Variants in ANKRD12 observed in about 807,000 individuals in gnomAD.
ANKRD12 encodes ankyrin repeat domain-containing protein 12.
ANKRD12 carries 85 observed loss-of-function variants against 183.4 expected under a neutral mutation model. The observed-to-expected ratio is 0.46, with a 90% confidence interval of 0.39 to 0.56. ANKRD12 has a LOEUF of 0.56. Ranked by LOEUF, ANKRD12 falls within the 20% of genes least tolerant of loss-of-function variation. The pLI, the probability that ANKRD12 is intolerant of heterozygous loss-of-function variation, is 0.00. For missense variants in ANKRD12, 2,405 were observed against 2,357.1 expected, an observed-to-expected ratio of 1.02 and a Z score of -0.42; for synonymous variants, 914 against 800.2, an observed-to-expected ratio of 1.14 and a Z score of -2.40.
At chr18:9,195,182 G>A (rs572484691) in intron 2 of ANKRD12, among the ~76,000 whole-genome samples, 8 of 152,254 alleles carry the variant, frequency 5.3e-5, no homozygotes, top group Admixed American at 6.5e-5. Flanking sequence ...GCTTACTTGA[G>A]GGTGGAGGGT....
chr18:9,213,647 G>C (rs1023046045), intron 6 of ANKRD12, among the ~76,000 whole-genome samples: 3 of 151,782 alleles, frequency 2.0e-5, no homozygotes, highest in African/African-American at 7.2e-5. Context: ...ATGTGGGAGA[G>C]CTAGTAGATA....
chr18:9,259,007 T>G, intron 9 of ANKRD12, 76 bp downstream of exon 9: 1 of 1,449,414 alleles, frequency 6.9e-7, no homozygotes. Flanking sequence ...ATACGTAATT[T>G]GAAGTTTTCT....
Position 9,285,681 on chromosome 18 carries a change from G to A in ANKRD12, c.*4555G>A, listed in dbSNP as rs1379638094. ...TAAAACATTTTCATTACTCTAGAAA[G>A]TTCACTCATGCCTCTCTCCAGTCAC... On this transcript the variant is annotated 3_prime_UTR_variant, in exon 13 of 13. Transcript: ENST00000262126. 1 of 152,074 alleles carries A rather than the reference G, an allele frequency of 6.6e-6. No homozygotes were observed. 9.4% of individuals were successfully genotyped at this position (152,074 alleles called of 1,614,324 possible). A position where few individuals can be genotyped will look rare whatever the true frequency, so the allele number is the denominator to read the frequency against.
At chr18:9,160,662 C>CTTTTTTAAAAAAAAATACT (rs1217466692) in intron 1 of ANKRD12, among the ~76,000 whole-genome samples, 5 of 152,158 alleles carry the variant, frequency 3.3e-5, no homozygotes, top group African/African-American at 1.2e-4. Flanking sequence ...GGATCTGTAT[C>CTTTTTTAAAAAAAAATACT]TTTTTTAAAA....
chr18:9,181,147 T>C (rs1181038619), intron 1 of ANKRD12, among the ~76,000 whole-genome samples: 3 of 152,218 alleles, frequency 2.0e-5, no homozygotes, highest in Non-Finnish European at 4.4e-5. Context: ...CAAATTTGTT[T>C]CCTCCTCTAT....
chr18:9,257,881 TAATG>T lies in ANKRD12; in HGVS notation c.4618_4621del (p.Glu1540LeufsTer11). ...TTATTAGTTCTGCTTTAGATACTGA[TAATG>T]AATCTACAAAAGATACAGAAAATAC... is the stretch of plus-strand genomic sequence containing the variant. On this transcript the variant is annotated frameshift_variant, in exon 9 of 13. Coordinates refer to ENST00000262126, the MANE Select transcript of ANKRD12 (RefSeq NM_015208.5). LOFTEE classifies it high-confidence loss of function. 3 of 1,613,710 alleles carry T rather than the reference TAATG, an allele frequency of 1.9e-6. No homozygotes were observed. The highest frequency in any genetic ancestry group is 2.5e-6 in the Non-Finnish European group (3 of 1,179,902).
intron 10 of ANKRD12, among the ~76,000 whole-genome samples, chr18:9,268,160 T>C (rs1265724150): frequency 1.3e-5 from 2 of 152,028 alleles, no homozygotes; most frequent in African/African-American, 2.4e-5. Context: ...CAGGACCAGA[T>C]GGATTCACAG....
At chr18:9,191,862 A>G (rs527890099) in intron 2 of ANKRD12, among the ~76,000 whole-genome samples, 1 of 152,140 alleles carries the variant, frequency 6.6e-6, no homozygotes, top group Non-Finnish European at 1.5e-5. Flanking sequence ...CCCCAGAACC[A>G]GGCACCAATT....
intron 8 of ANKRD12, among the ~76,000 whole-genome samples, chr18:9,238,726 A>G (rs1598652329): frequency 6.6e-6 from 1 of 152,238 alleles, no homozygotes; most frequent in Non-Finnish European, 1.5e-5. Flanking sequence ...TTGTAAGTCC[A>G]TCTTCCAGCT....
chr18:9,257,969 A>G lies in ANKRD12; in HGVS notation c.4702A>G (p.Thr1568Ala). Residue 1568 changes from threonine to alanine, a missense_variant, in exon 9 of 13, where the codon ACT becomes GCT. Transcript: ENST00000262126. ...CTTTGTCCCAGTGTACTCTGACAGCACTATTCAAGAAGCATCACCAAACTT... is the reference window on the plus strand; with the variant it reads ...CTTTGTCCCAGTGTACTCTGACAGCGCTATTCAAGAAGCATCACCAAACTT... ...DAFVPVYSDSTIQEASPNFEK... is the reference protein window; with the variant it reads ...DAFVPVYSDSAIQEASPNFEK... 1 of 1,613,966 alleles carries G rather than the reference A, an allele frequency of 6.2e-7. No homozygotes were observed. The highest frequency in any genetic ancestry group is 8.5e-7 in the Non-Finnish European group (1 of 1,179,976).
chr18:9,176,546 C>T (rs1012343734), intron 1 of ANKRD12, among the ~76,000 whole-genome samples: 16 of 152,134 alleles, frequency 1.1e-4, no homozygotes, highest in African/African-American at 3.9e-4. Flanking sequence ...CTGCCTCAGC[C>T]TCCCAAAGTG....
chr18:9,251,112 C>T (rs1281613668), intron 8 of ANKRD12, among the ~76,000 whole-genome samples: 1 of 152,108 alleles, frequency 6.6e-6, no homozygotes, highest in Non-Finnish European at 1.5e-5. Flanking sequence ...GTTTTAAAAT[C>T]ATCTCATTAG....
At position 9,254,246 on chromosome 18, in the gene ANKRD12, G is replaced by T. The variant is rs367718603; in HGVS notation, c.979G>T (p.Val327Phe). 6 of 1,595,872 alleles carry T rather than the reference G, an allele frequency of 3.8e-6. No homozygotes were observed. In the South Asian group the frequency reaches 6.9e-5, roughly 18 times the overall value. The part of the protein sequence containing the change: ...EEAQSVNPSS[V>F]DENIDSETEK... ...GGCTCAATCTGTAAATCCTTCTAGT[G>T]TTGATGAAAATATTGACTCTGAAAC... is the stretch of plus-strand genomic sequence containing the variant. The change falls in exon 9 of 13, where the codon GTT (valine) becomes TTT (phenylalanine). Residue 327 changes from valine (V) to phenylalanine (F), a missense_variant. Physicochemically the swap from Val to Phe is conservative, Grantham distance 50. This residue lies in a region of ANKRD12 where 1,983 missense variants were observed against 1,725.9 expected (regional missense o/e 1.15). Coordinates refer to ENST00000262126, the MANE Select transcript of ANKRD12 (RefSeq NM_015208.5).
At chr18:9,233,075 C>A (rs1435579286) in intron 8 of ANKRD12, among the ~76,000 whole-genome samples, 1 of 152,076 alleles carries the variant, frequency 6.6e-6, no homozygotes, top group Non-Finnish European at 1.5e-5. Flanking sequence ...TGCTCTCGAA[C>A]TTCTGGCCTC....
intron 1 of ANKRD12, among the ~76,000 whole-genome samples, chr18:9,164,387 G>A (rs1432145355): frequency 6.6e-6 from 1 of 151,810 alleles, no homozygotes; most frequent in Non-Finnish European, 1.5e-5. Flanking sequence ...ATTTTTTTGT[G>A]TGTCTGTCTC....
chr18:9,209,950 T>G (rs1430933343), intron 5 of ANKRD12, among the ~76,000 whole-genome samples: 2 of 152,130 alleles, frequency 1.3e-5, no homozygotes, highest in African/African-American at 2.4e-5. Context: ...TTATCTTTAT[T>G]TATGTAGCTT....
Position 9,257,544 on chromosome 18 carries a change from T to C in ANKRD12, c.4277T>C (p.Leu1426Pro). The change falls in exon 9 of 13, where the codon CTA (leucine) becomes CCA (proline). Residue 1426 changes from leucine (L) to proline (P), a missense_variant. Transcript: ENST00000262126. ...TCATGGGAGATGCCTGTTGATAGAC[T>C]AGAGACATTAAGCACCAGAGACTTT... ...NKSWEMPVDR[L>P]ETLSTRDFIC... 1 of 1,614,124 alleles carries C rather than the reference T, an allele frequency of 6.2e-7. No homozygotes were observed.
At chr18:9,184,166 T>C (rs939498785) in intron 2 of ANKRD12, among the ~76,000 whole-genome samples, 3 of 152,222 alleles carry the variant, frequency 2.0e-5, no homozygotes, top group Non-Finnish European at 4.4e-5. Context: ...ATGTTATAAT[T>C]GTTTGATACA....
intron 1 of ANKRD12, among the ~76,000 whole-genome samples, chr18:9,153,511 A>G (rs1206314175): frequency 1.3e-5 from 2 of 152,102 alleles, no homozygotes; most frequent in African/African-American, 4.8e-5. Flanking sequence ...TTACTTACTC[A>G]TTTATCAAAT....
Sources: gnomAD v4.1 joint callset for allele counts (sites outside exome capture counted in the v4.1 genomes callset) on GRCh38, gnomAD v4.1.1 for gene constraint, gnomAD v4.1.1 regional missense constraint, MANE v1.5 for transcripts, NCBI Gene and HGNC (gene_info 2026-07-23, HGNC 2026-07-21) for gene names.